Variants in MBTD1 observed in about 807,000 individuals in gnomAD.
The protein encoded by MBTD1 is mbt domain containing 1.
In MBTD1, 24 loss-of-function variants were observed where a neutral mutation model predicts 87.8. The ratio of observed to expected loss-of-function variants is 0.27; its 90% confidence interval spans 0.20 to 0.38. MBTD1 has a LOEUF of 0.38. MBTD1 is among the 10% of genes least tolerant of loss of function. The pLI, the probability that MBTD1 is intolerant of heterozygous loss-of-function variation, is 1.00. For missense variants in MBTD1, 436 were observed against 760.2 expected, an observed-to-expected ratio of 0.57 and a Z score of 5.02; for synonymous variants, 237 against 248.6, an observed-to-expected ratio of 0.95 and a Z score of 0.44.
intron 3 of MBTD1, among the ~76,000 whole-genome samples, chr17:51,222,618 G>T (rs971746887): frequency 1.3e-5 from 2 of 151,564 alleles, no homozygotes; most frequent in Admixed American, 1.3e-4. Flanking sequence ...GGCTGGTCTC[G>T]AACTCCTGAG....
chr17:51,183,618 C>T (rs2050412601), intron 16 of MBTD1: 1 of 152,186 alleles, frequency 6.6e-6, no homozygotes. Context: ...AGCAAACACC[C>T]ATCAGACTGT....
chr17:51,193,026 A>T lies in MBTD1; in HGVS notation c.1456-10T>A, dbSNP rs2050885228. On this transcript the variant is annotated splice_polypyrimidine_tract_variant and intron_variant, in intron 14 of 16. Coordinates refer to ENST00000586178, the MANE Select transcript of MBTD1 (RefSeq NM_017643.3). ...CGTGATTTGGAACATCCTGACACAG[A>T]GAAGAAAACATTAATATTGGTATGA... 1.9e-6 allele frequency: 3 copies of T among 1,574,980 alleles called. No homozygotes were observed. Among genetic ancestry groups the T allele is most frequent in the Non-Finnish European group, 2.6e-6 (3 of 1,145,224 alleles).
chr17:51,185,032 A>C (rs2050472568), intron 16 of MBTD1: 1 of 152,230 alleles, frequency 6.6e-6, no homozygotes, highest in Non-Finnish European at 1.5e-5. Context: ...TGAGGGAGGC[A>C]AAAGCTAAAG....
chr17:51,209,371 C>T (rs955959307), intron 6 of MBTD1: 1 of 471,064 alleles, frequency 2.1e-6, no homozygotes, highest in African/African-American at 2.0e-5. Context: ...GGAAGATCTG[C>T]TCCACCACTT....
rs530164918 is a variant in MBTD1 at position 51,246,532 on chromosome 17, C to T, written c.-49+12611G>A. Among the ~76,000 whole-genome samples, 6 of 152,308 alleles carry T rather than the reference C, an allele frequency of 3.9e-5. No homozygotes were observed. The South Asian group carries it at 6.2e-4, about 16-fold the overall frequency. ...AGGTTTATTATTTTATATCCTACCT[C>T]GCTGAATTGTTTGAAGGTAGTTTTG... On this transcript the variant is annotated intron_variant, in intron 2 of 16. Coordinates refer to ENST00000586178, the MANE Select transcript of MBTD1 (RefSeq NM_017643.3).
chr17:51,179,054 A>G lies in MBTD1; in HGVS notation c.*1522T>C, dbSNP rs1424202827. The G allele has an allele frequency of 1.3e-5, 2 of 152,180 alleles. No individual in the cohort carries two copies. Among genetic ancestry groups the G allele is most frequent in the Non-Finnish European group, 2.9e-5 (2 of 68,032 alleles). 9.4% of individuals were successfully genotyped at this position (152,180 alleles called of 1,614,324 possible). On this transcript the variant is annotated 3_prime_UTR_variant, in exon 17 of 17. Transcript: ENST00000586178. Reference sequence around the variant, plus strand: ...TTCTATGCATTTTAAAATTCAAACAAAAGTCTTACCTAAAATGGTCTCCTG... The same window carrying G: ...TTCTATGCATTTTAAAATTCAAACAGAAGTCTTACCTAAAATGGTCTCCTG...
At chr17:51,214,999 C>A (rs1448193778) in intron 6 of MBTD1, among the ~76,000 whole-genome samples, 2 of 152,162 alleles carry the variant, frequency 1.3e-5, no homozygotes, top group African/African-American at 4.8e-5. Context: ...TGAAGTGTGG[C>A]CCCCTTAACA....
chr17:51,204,175 A>C (rs2051665646), intron 7 of MBTD1, among the ~76,000 whole-genome samples: 1 of 152,174 alleles, frequency 6.6e-6, no homozygotes, highest in African/African-American at 2.4e-5. Context: ...CCAAACTTTG[A>C]GAACCATCTG....
chr17:51,223,953 G>T (rs2053066749), intron 3 of MBTD1, among the ~76,000 whole-genome samples: 1 of 152,210 alleles, frequency 6.6e-6, no homozygotes, highest in Non-Finnish European at 1.5e-5. Flanking sequence ...GTTTAAACTG[G>T]GTTAGTTCAT....
intron 2 of MBTD1, among the ~76,000 whole-genome samples, chr17:51,243,931 T>C (rs1057374119): frequency 2.6e-5 from 4 of 152,230 alleles, no homozygotes; most frequent in African/African-American, 9.6e-5. Context: ...ACTCTGGTTA[T>C]GTACCCCATA....
In MBTD1 at chr17:51,179,298, C is replaced by T. The variant is rs185394603; in HGVS notation, c.*1278G>A. 52 of 150,610 alleles carry T rather than the reference C, an allele frequency of 3.5e-4. No individual in the cohort carries two copies. Among genetic ancestry groups the T allele is most frequent in the Admixed American group, 2.6e-3 (39 of 15,050 alleles). 9.3% of individuals were successfully genotyped at this position (150,610 alleles called of 1,614,324 possible). On this transcript the variant is annotated 3_prime_UTR_variant, in exon 17 of 17. Coordinates refer to ENST00000586178, the MANE Select transcript of MBTD1 (RefSeq NM_017643.3). The stretch of plus-strand genomic sequence containing the variant: ...TGAACCTCACTGGTAAACGCTAGAG[C>T]GCTCTCATTCAGTCACAACTCAGTA...
At chr17:51,194,606 A>AGTG (rs1410414069) in intron 13 of MBTD1, among the ~76,000 whole-genome samples, 8 of 138,972 alleles carry the variant, frequency 5.8e-5, no homozygotes, top group Non-Finnish European at 1.2e-4. Flanking sequence ...CACATGGCTA[A>AGTG]GTGTGGTGGT....
At chr17:51,247,943 A>G (rs2054546066) in intron 2 of MBTD1, among the ~76,000 whole-genome samples, 2 of 152,192 alleles carry the variant, frequency 1.3e-5, no homozygotes, top group African/African-American at 4.8e-5. Flanking sequence ...AATGAGGTCA[A>G]TTTTATTAAA....
intron 6 of MBTD1, among the ~76,000 whole-genome samples, chr17:51,215,655 T>C (rs1368498325): frequency 6.6e-6 from 1 of 152,222 alleles, no homozygotes; most frequent in Non-Finnish European, 1.5e-5. Flanking sequence ...TTGCTGTGTA[T>C]GGAATATTTC....
At chr17:51,247,139 T>C (rs1017442095) in intron 2 of MBTD1, among the ~76,000 whole-genome samples, 2 of 152,190 alleles carry the variant, frequency 1.3e-5, no homozygotes, top group African/African-American at 2.4e-5. Context: ...ATTCATCCAT[T>C]CCTATTTTCT....
intron 14 of MBTD1, 33 bp downstream of exon 14, chr17:51,193,395 T>C (rs746225805): frequency 7.0e-7 from 1 of 1,420,206 alleles, no homozygotes; most frequent in Non-Finnish European, 9.9e-7. Context: ...CATTAATAAG[T>C]CCTCACATAA....
intron 16 of MBTD1, among the ~76,000 whole-genome samples, chr17:51,189,830 C>T (rs150022897): frequency 0.018 from 2,689 of 152,252 alleles, 38 homozygotes; most frequent in Non-Finnish European, 0.026. Flanking sequence ...TGAATTCTTG[C>T]TACTCATTTA....
At chr17:51,188,435 A>T (rs1164384824) in intron 16 of MBTD1, among the ~76,000 whole-genome samples, 1 of 152,218 alleles carries the variant, frequency 6.6e-6, no homozygotes, top group East Asian at 1.9e-4. Context: ...TATACCACTA[A>T]CAGATGATCT....
At position 51,225,186 on chromosome 17, in the gene MBTD1, T is replaced by C. The variant is rs1258437802; in HGVS notation, c.-25A>G. 2 of 1,523,854 alleles carry C rather than the reference T, an allele frequency of 1.3e-6. No homozygotes were observed. Among genetic ancestry groups the C allele is most frequent in the South Asian group, 2.5e-5 (2 of 79,674 alleles). 94.4% of individuals were successfully genotyped at this position (1,523,854 alleles called of 1,614,324 possible). Reference sequence around the variant, plus strand: ...TCCCGAAAGAATCTCTTCTTTTCCTTTCAGATCGTGAAGAATGTTCAGTCT... The same window carrying C: ...TCCCGAAAGAATCTCTTCTTTTCCTCTCAGATCGTGAAGAATGTTCAGTCT... On this transcript the variant is annotated 5_prime_UTR_variant, in exon 3 of 17. Transcript: ENST00000586178.
Sources: gnomAD v4.1 joint callset for allele counts (sites outside exome capture counted in the v4.1 genomes callset) on GRCh38, gnomAD v4.1.1 for gene constraint, MANE v1.5 for transcripts, NCBI Gene and HGNC (gene_info 2026-07-23, HGNC 2026-07-21) for gene names.